NDUFAF2: variants seen among roughly 807,000 people sequenced by gnomAD.
NDUFAF2 encodes NADH:ubiquinone oxidoreductase complex assembly factor 2.
Under a neutral mutation model 22.8 loss-of-function variants are expected in NDUFAF2, and 13 were observed. The observed-to-expected ratio is 0.57, with a 90% CI of 0.37 to 0.91. NDUFAF2 has a LOEUF of 0.91. NDUFAF2 is among the 40% of genes least tolerant of loss of function. The pLI is 0.01. For synonymous variants in NDUFAF2, 53 were observed against 64.2 expected (o/e 0.83, Z 0.84); for missense variants, 162 against 195.2 (o/e 0.83, Z 1.01).
At chr5:61,069,143 T>TC (rs35975967) in intron 1 of NDUFAF2, among the ~76,000 whole-genome samples, 4 of 150,520 alleles carry the variant, frequency 2.7e-5, no homozygotes, top group Non-Finnish European at 4.4e-5. Flanking sequence ...TTTTTTTTTT[T>TC]CCTGACTCTG....
At chr5:60,978,319 G>C (rs563476990) in intron 1 of NDUFAF2, among the ~76,000 whole-genome samples, 1 of 152,280 alleles carries the variant, frequency 6.6e-6, no homozygotes, top group Non-Finnish European at 1.5e-5. Flanking sequence ...GTATTAGTCT[G>C]TTCTCACACT....
intron 1 of NDUFAF2, among the ~76,000 whole-genome samples, chr5:60,992,074 A>G (rs1580084064): frequency 6.6e-6 from 1 of 152,118 alleles, no homozygotes; most frequent in Non-Finnish European, 1.5e-5. Flanking sequence ...TCATATGCCT[A>G]TTTACCATTT....
chr5:61,051,537 A>G (rs1752023802), intron 1 of NDUFAF2, among the ~76,000 whole-genome samples: 2 of 152,240 alleles, frequency 1.3e-5, no homozygotes, highest in Admixed American at 1.3e-4. Flanking sequence ...TCATTGAACC[A>G]GAGTGTGAAC....
intron 2 of NDUFAF2, among the ~76,000 whole-genome samples, chr5:61,085,861 T>C (rs1414676424): frequency 6.6e-6 from 1 of 152,130 alleles, no homozygotes; most frequent in East Asian, 1.9e-4. Context: ...ATGGCTATAA[T>C]CCTAGTACTT....
At chr5:61,098,704 G>A (rs1752672470) in intron 2 of NDUFAF2, among the ~76,000 whole-genome samples, 1 of 152,134 alleles carries the variant, frequency 6.6e-6, no homozygotes. Context: ...TGATTAGGAG[G>A]TATGATTTTA....
chr5:61,043,448 C>G (rs1274493272), intron 1 of NDUFAF2, among the ~76,000 whole-genome samples: 1 of 152,032 alleles, frequency 6.6e-6, no homozygotes, highest in Non-Finnish European at 1.5e-5. Flanking sequence ...CTTTTTCCTC[C>G]TAACTGGAGC....
rs753215899 is a variant in NDUFAF2 at position 60,945,335 on chromosome 5, A to T, written c.80A>T (p.Gln27Leu). 8.7e-6 allele frequency: 14 copies of T among 1,614,168 alleles called. No individual in the cohort carries two copies. Among genetic ancestry groups the T allele is most frequent in the African/African-American group, 2.7e-5 (2 of 75,060 alleles). Residue 27 changes from glutamine to leucine, a missense_variant, in exon 1 of 4, where the codon CAA (glutamine) becomes CTA (leucine). Gln to Leu is a moderately radical substitution (Grantham distance 113). Transcript: ENST00000296597. ...REVKEHVGTD[Q>L]FGNKYYYIPQ... ...GTGAAGGAGCACGTGGGCACGGACCAATTCGGGAACAAATACTACTACATC... is the reference window on the plus strand; with the variant it reads ...GTGAAGGAGCACGTGGGCACGGACCTATTCGGGAACAAATACTACTACATC...
At chr5:60,989,220 A>C (rs1011751681) in intron 1 of NDUFAF2, among the ~76,000 whole-genome samples, 3 of 152,288 alleles carry the variant, frequency 2.0e-5, no homozygotes, top group African/African-American at 7.2e-5. Flanking sequence ...GATATCTTAT[A>C]TTAGTCAGAA....
At chr5:61,033,258 C>T (rs995757220) in intron 1 of NDUFAF2, among the ~76,000 whole-genome samples, 1 of 152,084 alleles carries the variant, frequency 6.6e-6, no homozygotes, top group Non-Finnish European at 1.5e-5. Context: ...TATGTTTTCA[C>T]ATAGATGACT....
chr5:61,096,903 G>A (rs1752651066), intron 2 of NDUFAF2, among the ~76,000 whole-genome samples: 1 of 152,144 alleles, frequency 6.6e-6, no homozygotes, highest in Non-Finnish European at 1.5e-5. Flanking sequence ...GACAGAAGTT[G>A]CAGTGACCTG....
chr5:61,033,964 T>C (rs1396880175), intron 1 of NDUFAF2, among the ~76,000 whole-genome samples: 1 of 152,178 alleles, frequency 6.6e-6, no homozygotes, highest in East Asian at 1.9e-4. Flanking sequence ...ATCTGTGACT[T>C]ATGGCCTAAT....
intron 1 of NDUFAF2, among the ~76,000 whole-genome samples, chr5:61,014,099 C>T (rs1751477188): frequency 6.6e-6 from 1 of 152,236 alleles, no homozygotes; most frequent in Non-Finnish European, 1.5e-5. Flanking sequence ...AAGAATGGGG[C>T]TGGTCCCCAG....
intron 1 of NDUFAF2, among the ~76,000 whole-genome samples, chr5:61,063,616 T>C (rs1752193492): frequency 6.6e-6 from 1 of 151,852 alleles, no homozygotes; most frequent in Non-Finnish European, 1.5e-5. Context: ...GTGGGGAGGG[T>C]AGAAGTCCAG....
chr5:60,967,542 T>C (rs1322586673), intron 1 of NDUFAF2, among the ~76,000 whole-genome samples: 1 of 151,944 alleles, frequency 6.6e-6, no homozygotes, highest in African/African-American at 2.4e-5. Flanking sequence ...AAGTTTTTTT[T>C]TTATCATGAA....
chr5:60,982,509 A>T (rs912680982), intron 1 of NDUFAF2, among the ~76,000 whole-genome samples: 1 of 149,944 alleles, frequency 6.7e-6, no homozygotes, highest in Non-Finnish European at 1.5e-5. Context: ...TTAACTCATC[A>T]TTTAACATTA....
intron 3 of NDUFAF2, among the ~76,000 whole-genome samples, chr5:61,147,545 A>G (rs1382544906): frequency 6.9e-6 from 1 of 143,948 alleles, no homozygotes; most frequent in African/African-American, 2.5e-5. Flanking sequence ...ACGTGCTAGG[A>G]TTACAGGCGT....
At chr5:61,132,385 G>A (rs1753123044) in intron 3 of NDUFAF2, among the ~76,000 whole-genome samples, 1 of 152,120 alleles carries the variant, frequency 6.6e-6, no homozygotes, top group Non-Finnish European at 1.5e-5. Context: ...ATTTCCCAGT[G>A]ATCTTTTTGC....
intron 1 of NDUFAF2, among the ~76,000 whole-genome samples, chr5:60,998,949 A>G (rs563442346): frequency 2.0e-5 from 3 of 152,102 alleles, no homozygotes; most frequent in Non-Finnish European, 2.9e-5. Context: ...TTAGTATGCT[A>G]TGAAGTATGA....
At chr5:61,109,568 A>G (rs1752809576) in intron 3 of NDUFAF2, among the ~76,000 whole-genome samples, 1 of 152,300 alleles carries the variant, frequency 6.6e-6, no homozygotes, top group Admixed American at 6.5e-5. Context: ...TCTATTCAGT[A>G]TGGTTAGGCT....
Sources: allele counts gnomAD v4.1 joint callset (sites outside exome capture counted in the v4.1 genomes callset), GRCh38; gene constraint gnomAD v4.1.1; transcripts MANE v1.5; gene names NCBI Gene and HGNC (gene_info 2026-07-23, HGNC 2026-07-21).